Variants in UBASH3B observed in about 807,000 individuals in gnomAD.
UBASH3B encodes the protein ubiquitin associated and SH3 domain containing B.
A neutral mutation model predicts 83.4 loss-of-function variants in UBASH3B; 37 were observed. That is an observed-to-expected ratio of 0.44 (90% CI 0.34 to 0.58). The LOEUF is 0.58. Among genes scored for constraint, UBASH3B ranks in the 20% least tolerant of loss-of-function variants. The pLI is 0.01. For synonymous variants in UBASH3B, 304 were observed against 318.3 expected, an observed-to-expected ratio of 0.96 and a Z score of 0.48; for missense variants, 657 against 827.2, an observed-to-expected ratio of 0.79 and a Z score of 2.52.
intron 1 of UBASH3B, among the ~76,000 whole-genome samples, chr11:122,705,280 T>C (rs1864101046): frequency 6.6e-6 from 1 of 151,838 alleles, no homozygotes; most frequent in South Asian, 2.1e-4. Flanking sequence ...AAACCATCTC[T>C]ACTAAAAATA....
chr11:122,690,210 C>CT lies in UBASH3B; in HGVS notation c.161+34000_161+34001insT, dbSNP rs1863872805. On this transcript the variant is annotated intron_variant, in intron 1 of 13. Coordinates refer to ENST00000284273, the MANE Select transcript of UBASH3B (RefSeq NM_032873.5). Reference sequence around the variant, plus strand: ...TATATATATATATATATATATATATCCAATTATATATATATATATCCAATT... The same window carrying CT: ...TATATATATATATATATATATATATCTCAATTATATATATATATATCCAATT... Among the ~76,000 whole-genome samples, 2 of 15,424 alleles carry CT rather than the reference C, an allele frequency of 1.3e-4. 1 individual carries two copies. Among genetic ancestry groups the CT allele is most frequent in the Non-Finnish European group, 2.8e-4 (2 of 7,198 alleles). 10.1% of individuals were successfully genotyped at this position (15,424 alleles called of 152,430 possible).
chr11:122,717,835 T>C (rs1034441647), intron 1 of UBASH3B, among the ~76,000 whole-genome samples: 23 of 151,446 alleles, frequency 1.5e-4, no homozygotes, highest in African/African-American at 9.7e-5. Flanking sequence ...CCACCCCCCA[T>C]GACACTAGGC....
At position 122,801,178 on chromosome 11, in the gene UBASH3B, T is replaced by C. The variant is rs1861252239; in HGVS notation, c.1451-10T>C. The C allele has an allele frequency of 3.7e-6, 6 of 1,613,394 alleles. No individual in the cohort carries two copies. In the South Asian group the frequency reaches 6.6e-5, roughly 18 times the overall value. ...CACTTTCTTCATCTTCACTGTATTT[T>C]ACCCCTAAGGTTTACAACAAGAAAA... is the stretch of plus-strand genomic sequence containing the variant. On this transcript the variant is annotated splice_polypyrimidine_tract_variant and intron_variant, in intron 10 of 13. Transcript: ENST00000284273.
chr11:122,797,212 T>C (rs1019338318), intron 9 of UBASH3B, 179 bp downstream of exon 9: 1 of 807,088 alleles, frequency 1.2e-6, no homozygotes, highest in Non-Finnish European at 1.8e-6. Context: ...CAGCCCTGGG[T>C]TGGTTGACCA....
At chr11:122,776,961 A>T in intron 2 of UBASH3B, 63 bp from the exon 3 acceptor site, 1 of 1,450,220 alleles carries the variant, frequency 6.9e-7, no homozygotes, top group Non-Finnish European at 9.3e-7. Flanking sequence ...TCTGTCTCTC[A>T]GTTCTTTTTT....
At chr11:122,730,784 G>A (rs1482495428) in intron 1 of UBASH3B, among the ~76,000 whole-genome samples, 4 of 152,048 alleles carry the variant, frequency 2.6e-5, no homozygotes, top group East Asian at 1.9e-4. Flanking sequence ...TAGTAGAGGC[G>A]GGATTTCTCT....
intron 1 of UBASH3B, among the ~76,000 whole-genome samples, chr11:122,755,734 A>G (rs1392146118): frequency 6.6e-6 from 1 of 152,208 alleles, no homozygotes; most frequent in African/African-American, 2.4e-5. Context: ...AGGCTTTGTC[A>G]ACTCAGGCTT....
chr11:122,701,320 T>C (rs926201659), intron 1 of UBASH3B, among the ~76,000 whole-genome samples: 1 of 152,160 alleles, frequency 6.6e-6, no homozygotes, highest in African/African-American at 2.4e-5. Context: ...GGGTAATTAA[T>C]ATGAAGTGCA....
At chr11:122,768,459 G>GAT (rs1166369488) in intron 1 of UBASH3B, among the ~76,000 whole-genome samples, 1 of 131,006 alleles carries the variant, frequency 7.6e-6, no homozygotes, top group East Asian at 2.1e-4. Context: ...AAAAGATAGA[G>GAT]ATATATATGT....
chr11:122,753,250 C>T (rs1445209479), intron 1 of UBASH3B, among the ~76,000 whole-genome samples: 2 of 151,766 alleles, frequency 1.3e-5, no homozygotes, highest in African/African-American at 4.8e-5. Context: ...TGAAGACCAG[C>T]CTGGCTCCTG....
chr11:122,657,714 G>C (rs1410032293), intron 1 of UBASH3B, among the ~76,000 whole-genome samples: 3 of 152,194 alleles, frequency 2.0e-5, no homozygotes, highest in Non-Finnish European at 2.9e-5. Flanking sequence ...TTAGAAGGCT[G>C]CAAAATGGAC....
chr11:122,687,226 A>T (rs530395063), intron 1 of UBASH3B, among the ~76,000 whole-genome samples: 2 of 152,338 alleles, frequency 1.3e-5, no homozygotes, highest in East Asian at 3.9e-4. Flanking sequence ...CAAAAGTAGA[A>T]AGTCTGTCAT....
chr11:122,734,553 C>G (rs954909563), intron 1 of UBASH3B, among the ~76,000 whole-genome samples: 11 of 152,166 alleles, frequency 7.2e-5, no homozygotes, highest in African/African-American at 2.7e-4. Flanking sequence ...ACACTGTAAT[C>G]TGGCTTAGCT....
chr11:122,699,003 C>G (rs1161738552), intron 1 of UBASH3B, among the ~76,000 whole-genome samples: 3 of 152,120 alleles, frequency 2.0e-5, no homozygotes, highest in African/African-American at 7.2e-5. Context: ...GTGCCCAGCA[C>G]CACACCCAGC....
chr11:122,771,229 T>G (rs1277798089), intron 1 of UBASH3B, among the ~76,000 whole-genome samples: 1 of 103,734 alleles, frequency 9.6e-6, no homozygotes, highest in Non-Finnish European at 2.1e-5. Context: ...AGCTCTTACT[T>G]TGCTTTTTTT....
intron 1 of UBASH3B, among the ~76,000 whole-genome samples, chr11:122,726,659 A>AG (rs1860748392): frequency 6.6e-6 from 1 of 152,128 alleles, no homozygotes; most frequent in Non-Finnish European, 1.5e-5. Context: ...TCTTTATGCA[A>AG]CTATGAGCAA....
chr11:122,786,142 T>C (rs1186197018), intron 5 of UBASH3B, among the ~76,000 whole-genome samples: 3 of 152,004 alleles, frequency 2.0e-5, no homozygotes, highest in African/African-American at 4.8e-5. Flanking sequence ...TTCCGCCTCC[T>C]GGGTTCACGC....
intron 1 of UBASH3B, among the ~76,000 whole-genome samples, chr11:122,689,762 A>C (rs560303504): frequency 2.7e-3 from 413 of 152,264 alleles, no homozygotes; most frequent in Non-Finnish European, 4.6e-3. Context: ...TCAAGTTGGG[A>C]GTTACCACAA....
intron 1 of UBASH3B, among the ~76,000 whole-genome samples, chr11:122,657,396 C>T (rs896932399): frequency 6.6e-6 from 1 of 152,082 alleles, no homozygotes; most frequent in African/African-American, 2.4e-5. Context: ...TCAAGCGATT[C>T]TCCCACCTTA....
Sources: gnomAD v4.1 joint callset for allele counts (sites outside exome capture counted in the v4.1 genomes callset) on GRCh38, gnomAD v4.1.1 for gene constraint, MANE v1.5 for transcripts, NCBI Gene and HGNC (gene_info 2026-07-23, HGNC 2026-07-21) for gene names.